GADL1: variants seen among roughly 807,000 people sequenced by gnomAD.
GADL1 encodes GAD like acidic amino acid decarboxylase 1.
GADL1 carries 71 observed loss-of-function variants against 69.5 expected under a neutral mutation model. That is an observed-to-expected ratio of 1.02 (90% confidence interval 0.84 to 1.25). GADL1 has a LOEUF of 1.25. GADL1 is among the 50% of genes most tolerant of loss of function. The pLI is 0.00. For synonymous variants in GADL1, 254 were observed against 214.4 expected (o/e 1.18, Z -1.62); for missense variants, 737 against 631.8 (o/e 1.17, Z -1.79).
intron 11 of GADL1, among the ~76,000 whole-genome samples, chr3:30,828,764 C>T (rs11129425): frequency 0.26 from 39,802 of 151,714 alleles, 6,130 homozygotes; most frequent in African/African-American, 0.41. Flanking sequence ...AGAACACAGA[C>T]GTATGCATGT....
chr3:30,751,137 C>G (rs1244359802), intron 14 of GADL1, among the ~76,000 whole-genome samples: 2 of 150,410 alleles, frequency 1.3e-5, no homozygotes, highest in Non-Finnish European at 2.9e-5. Flanking sequence ...CGGGCCATAT[C>G]CTCGCTCCTG....
At chr3:30,887,246 G>A (rs1394510929) in intron 1 of GADL1, among the ~76,000 whole-genome samples, 1 of 152,188 alleles carries the variant, frequency 6.6e-6, no homozygotes, top group African/African-American at 2.4e-5. Context: ...AGAAGGTGCT[G>A]TGGTTTGAAT....
intron 14 of GADL1, among the ~76,000 whole-genome samples, chr3:30,734,960 A>G (rs1044477006): frequency 2.0e-5 from 3 of 152,206 alleles, no homozygotes; most frequent in Admixed American, 6.5e-5. Context: ...TAAAGAGGGG[A>G]AAATAATAGC....
chr3:30,844,814 G>A, intron 6 of GADL1, among the ~76,000 whole-genome samples: 1 of 152,236 alleles, frequency 6.6e-6, no homozygotes. Flanking sequence ...TATATGTAGA[G>A]GGCTTAGCAC....
At chr3:30,842,548 T>C (rs954435579) in intron 8 of GADL1, among the ~76,000 whole-genome samples, 1 of 151,152 alleles carries the variant, frequency 6.6e-6, no homozygotes, top group Non-Finnish European at 1.5e-5. Context: ...GAATAGGGAA[T>C]GGAGAAAGGG....
Position 30,865,526 on chromosome 3 carries a change from C to T in GADL1, c.38-3761G>A, listed in dbSNP as rs1338545648. ...CCCTTGAGATGCCGTCGCAGGTTGT[C>T]TGTATGCCTTTCTGAACTGATAGCA... On this transcript the variant is annotated intron_variant, in intron 1 of 14. Coordinates refer to ENST00000282538, the MANE Select transcript of GADL1 (RefSeq NM_207359.3). Among the ~76,000 whole-genome samples, 3 of 151,956 alleles carry T rather than the reference C, an allele frequency of 2.0e-5. No homozygotes were observed. In the East Asian group the frequency reaches 5.8e-4, roughly 29 times the overall value.
intron 6 of GADL1, among the ~76,000 whole-genome samples, chr3:30,844,962 G>C (rs1369354024): frequency 3.4e-4 from 52 of 152,098 alleles, no homozygotes; most frequent in African/African-American, 1.2e-3. Flanking sequence ...CTGCTGACTT[G>C]AAACCCTCTA....
chr3:30,850,048 T>G lies in GADL1; in HGVS notation c.599A>C (p.Lys200Thr), dbSNP rs369633351. 1.9e-6 allele frequency: 3 copies of G among 1,612,120 alleles called. No homozygotes were observed. Among genetic ancestry groups the G allele is most frequent in the Non-Finnish European group, 2.5e-6 (3 of 1,178,568 alleles). Residue 200 changes from lysine (K) to threonine (T), a missense_variant, in exon 6 of 15, where the codon AAG (lysine) becomes ACG (threonine). Transcript: ENST00000282538. ...TGGCGAACCAGACAGCCCCTTTTCC[T>G]TAATATCAGGACAATATTTGTATCT... ...LARYKYCPDI[K>T]EKGLSGSPRL...
chr3:30,754,544 AG>A (rs1695917265), intron 14 of GADL1, among the ~76,000 whole-genome samples: 1 of 152,186 alleles, frequency 6.6e-6, no homozygotes, highest in South Asian at 2.1e-4. Flanking sequence ...CTAAGCTGAC[AG>A]ATGACAAAGA....
At chr3:30,812,338 T>C (rs1260354864) in intron 11 of GADL1, among the ~76,000 whole-genome samples, 1 of 152,212 alleles carries the variant, frequency 6.6e-6, no homozygotes, top group Non-Finnish European at 1.5e-5. Flanking sequence ...CTCATAGATA[T>C]ACCAGAGACT....
At chr3:30,741,792 A>C (rs1339190523) in intron 14 of GADL1, among the ~76,000 whole-genome samples, 1 of 152,222 alleles carries the variant, frequency 6.6e-6, no homozygotes, top group Non-Finnish European at 1.5e-5. Flanking sequence ...TTTGTTTGAC[A>C]CTTCTCTCAA....
chr3:30,890,348 C>A (rs1698769817), intron 1 of GADL1, among the ~76,000 whole-genome samples: 2 of 152,098 alleles, frequency 1.3e-5, no homozygotes, highest in Admixed American at 1.3e-4. Context: ...AGTAAATAGA[C>A]AGATGTGTTC....
intron 1 of GADL1, among the ~76,000 whole-genome samples, chr3:30,890,692 T>G (rs1418780630): frequency 6.6e-6 from 1 of 152,074 alleles, no homozygotes; most frequent in Admixed American, 6.6e-5. Context: ...ATCATGCAGC[T>G]AGTGGATATT....
At chr3:30,789,730 TTA>T (rs1411736759) in intron 12 of GADL1, among the ~76,000 whole-genome samples, 2 of 152,208 alleles carry the variant, frequency 1.3e-5, no homozygotes, top group African/African-American at 4.8e-5. Flanking sequence ...ACTTGCACTT[TTA>T]TGTTATGAGA....
At chr3:30,863,459 T>A (rs1053585515) in intron 1 of GADL1, among the ~76,000 whole-genome samples, 8 of 152,030 alleles carry the variant, frequency 5.3e-5, no homozygotes, top group Admixed American at 2.0e-4. Context: ...AGAAGAAAGG[T>A]TACTGCCTAC....
At chr3:30,892,883 T>G (rs1466098644) in intron 1 of GADL1, among the ~76,000 whole-genome samples, 1 of 152,136 alleles carries the variant, frequency 6.6e-6, no homozygotes, top group Admixed American at 6.6e-5. Flanking sequence ...TGAGACAGAG[T>G]CTTGCTCTGT....
At chr3:30,729,730 T>C (rs1352597614) in intron 14 of GADL1, among the ~76,000 whole-genome samples, 4 of 152,228 alleles carry the variant, frequency 2.6e-5, no homozygotes, top group African/African-American at 9.6e-5. Context: ...ATATTATGTG[T>C]TGAACTTAAC....
At chr3:30,730,492 C>T (rs768437041) in intron 14 of GADL1, among the ~76,000 whole-genome samples, 5 of 151,914 alleles carry the variant, frequency 3.3e-5, no homozygotes, top group South Asian at 2.1e-4. Context: ...TGAAGAAACC[C>T]GAGCTGCATA....
chr3:30,757,763 C>A (rs1229134667), intron 14 of GADL1, among the ~76,000 whole-genome samples: 2 of 149,042 alleles, frequency 1.3e-5, no homozygotes, highest in African/African-American at 5.2e-5. Flanking sequence ...GTAGTCCCCT[C>A]CCCTGTTTAA....
Sources: allele counts gnomAD v4.1 joint callset (sites outside exome capture counted in the v4.1 genomes callset), GRCh38; gene constraint gnomAD v4.1.1; transcripts MANE v1.5; gene names NCBI Gene and HGNC (gene_info 2026-07-23, HGNC 2026-07-21).